Variants in AK9 observed in about 807,000 individuals in gnomAD.
AK9 encodes the protein adenylate kinase domain containing 1.
A neutral mutation model predicts 239.6 loss-of-function variants in AK9; 191 were observed. The observed-to-expected ratio is 0.80, with a 90% CI of 0.71 to 0.90. The LOEUF is 0.90. Among genes scored for constraint, AK9 ranks in the 40% least tolerant of loss-of-function variants. AK9 has a pLI of 0.00. For synonymous variants in AK9, 689 were observed against 721.0 expected, an observed-to-expected ratio of 0.96 and a Z score of 0.71; for missense variants, 1,995 against 2,214.7, an observed-to-expected ratio of 0.90 and a Z score of 1.99.
rs528444655 is a variant in AK9, at chr6:109,569,724, G to A, written c.2344+3718C>T. On this transcript the variant is annotated intron_variant, in intron 21 of 40. Transcript: ENST00000424296. The stretch of plus-strand genomic sequence containing the variant: ...TCAGAGAAATGCAAATCAAAACCAC[G>A]ATGAGATACCATCTCACACCAGTTA... Among the ~76,000 whole-genome samples, 31 of 152,122 alleles carry A rather than the reference G, an allele frequency of 2.0e-4. 1 individual carries two copies. In the Middle Eastern group the frequency reaches 0.014, roughly 67 times the overall value.
intron 29 of AK9, among the ~76,000 whole-genome samples, chr6:109,526,228 C>T (rs371462817): frequency 2.0e-4 from 30 of 151,990 alleles, no homozygotes; most frequent in African/African-American, 7.0e-4. Context: ...CACCAAACCC[C>T]GGCAACATGC....
chr6:109,573,649 T>C, intron 20 of AK9, 55 bp from the exon 21 acceptor site: 8 of 1,487,134 alleles, frequency 5.4e-6, no homozygotes, highest in Non-Finnish European at 6.3e-6. Flanking sequence ...CAAATATTTA[T>C]TGGGTGTTGA....
At chr6:109,556,652 T>C (rs896932521) in intron 24 of AK9, among the ~76,000 whole-genome samples, 10 of 152,152 alleles carry the variant, frequency 6.6e-5, no homozygotes, top group Non-Finnish European at 1.0e-4. Flanking sequence ...TAATCAATTG[T>C]AGGTTTGGTC....
rs1177960650 is a variant in AK9, at chr6:109,659,183, AT to A, written c.630+44del. ...ACCATCATTTACCTTAATTATAGCA[AT>A]TTTAAAAAGTGTAGTGTATGGTAGT... is the stretch of plus-strand genomic sequence containing the variant. On this transcript the variant is annotated intron_variant, in intron 7 of 40. Coordinates refer to ENST00000424296, the MANE Select transcript of AK9 (RefSeq NM_001145128.3). The A allele has an allele frequency of 2.7e-6, 4 of 1,459,254 alleles. No homozygotes were observed. The African/African-American group carries it at 4.4e-5, about 16-fold the overall frequency. The allele number at this position is 1,459,254 out of a possible 1,614,324, so 90.4% of individuals were successfully genotyped here. A position where few individuals can be genotyped will look rare whatever the true frequency, so the allele number is the denominator to read the frequency against.
chr6:109,656,126 ATGTT>A (rs1002762365), intron 8 of AK9, among the ~76,000 whole-genome samples: 4 of 152,290 alleles, frequency 2.6e-5, no homozygotes, highest in African/African-American at 9.6e-5. Flanking sequence ...AGTTCAATAA[ATGTT>A]TGTTGACTAA....
intron 8 of AK9, among the ~76,000 whole-genome samples, chr6:109,654,503 TG>T (rs1799416820): frequency 6.6e-6 from 1 of 151,976 alleles, no homozygotes; most frequent in Admixed American, 6.6e-5. Flanking sequence ...GGCTGTTTTT[TG>T]GATTTTAGTA....
intron 12 of AK9, among the ~76,000 whole-genome samples, chr6:109,620,820 A>G (rs1794721365): frequency 6.6e-6 from 1 of 151,308 alleles, no homozygotes; most frequent in Admixed American, 6.6e-5. Flanking sequence ...TCATACATAT[A>G]CATATACACC....
At chr6:109,494,222 T>A (rs923657997) in intron 39 of AK9, 127 bp from the exon 40 acceptor site, 11 of 571,340 alleles carry the variant, frequency 1.9e-5, no homozygotes, top group East Asian at 8.4e-5. Context: ...GGATGGGGCT[T>A]ATAAATATGG....
chr6:109,580,799 T>C (rs1788748292), intron 19 of AK9, among the ~76,000 whole-genome samples: 1 of 152,226 alleles, frequency 6.6e-6, no homozygotes. Flanking sequence ...CTGAGTGTTG[T>C]TTCTGAACTC....
chr6:109,533,910 G>A (rs549214233), intron 27 of AK9, among the ~76,000 whole-genome samples: 5 of 152,006 alleles, frequency 3.3e-5, no homozygotes, highest in Non-Finnish European at 7.4e-5. Flanking sequence ...GTTTGGGAGC[G>A]GTGCCCAGCC....
intron 28 of AK9, among the ~76,000 whole-genome samples, chr6:109,530,535 A>C (rs1027212152): frequency 1.3e-5 from 2 of 152,182 alleles, no homozygotes; most frequent in African/African-American, 4.8e-5. Context: ...ATAAAACATA[A>C]AGACCACTGT....
Position 109,675,615 on chromosome 6 carries a change from A to G in AK9, c.117+14T>C. The G allele has an allele frequency of 7.2e-7, 1 of 1,386,544 alleles. No individual in the cohort carries two copies. Among genetic ancestry groups the G allele is most frequent in the East Asian group, 2.5e-5 (1 of 39,298 alleles). The allele number at this position is 1,386,544 out of a possible 1,614,324, so 85.9% of individuals were successfully genotyped here. ...AATAAAAAAAATTATACCAAATAAT[A>G]AGAGATAACTTACTGGTTTCCCAAA... On this transcript the variant is annotated intron_variant, in intron 2 of 40. Coordinates refer to ENST00000424296, the MANE Select transcript of AK9 (RefSeq NM_001145128.3).
At position 109,676,119 on chromosome 6, in the gene AK9, T is replaced by C. The variant is rs118113771; in HGVS notation, c.-11-363A>G. Among the ~76,000 whole-genome samples the C allele has an allele frequency of 7.2e-3, 1,096 of 152,184 alleles. 7 individuals carry two copies. Among genetic ancestry groups the C allele is most frequent in the South Asian group, 0.018 (86 of 4,826 alleles). On this transcript the variant is annotated intron_variant, in intron 1 of 40. Coordinates refer to ENST00000424296, the MANE Select transcript of AK9 (RefSeq NM_001145128.3). The stretch of plus-strand genomic sequence containing the variant: ...GTGCATGTATAAATTTTACCAGAAA[T>C]AGAAAAGGTAATGTTGGCTAAATGT...
At chr6:109,508,475 C>T (rs1778341899) in intron 33 of AK9, among the ~76,000 whole-genome samples, 1 of 152,128 alleles carries the variant, frequency 6.6e-6, no homozygotes, top group African/African-American at 2.4e-5. Flanking sequence ...AAGTCTGACA[C>T]CCCAGAAGCT....
intron 27 of AK9, among the ~76,000 whole-genome samples, chr6:109,541,778 T>C (rs180926461): frequency 1.3e-5 from 2 of 152,366 alleles, no homozygotes; most frequent in Admixed American, 6.5e-5. Flanking sequence ...TTACCACAAA[T>C]GCACTTTAGA....
intron 32 of AK9, among the ~76,000 whole-genome samples, chr6:109,512,039 G>C (rs1426013120): frequency 6.6e-6 from 1 of 152,152 alleles, no homozygotes; most frequent in East Asian, 1.9e-4. Flanking sequence ...GGGTAAATAA[G>C]GCTGAGACAT....
chr6:109,562,799 T>C (rs1200389593), intron 24 of AK9, among the ~76,000 whole-genome samples: 1 of 152,112 alleles, frequency 6.6e-6, no homozygotes, highest in Admixed American at 6.6e-5. Context: ...ATATAAGCTT[T>C]GAGTATTACA....
intron 21 of AK9, among the ~76,000 whole-genome samples, chr6:109,571,041 A>G (rs1449213231): frequency 6.6e-6 from 1 of 152,246 alleles, no homozygotes; most frequent in Non-Finnish European, 1.5e-5. Context: ...ACAATGATTT[A>G]ATAGCCTCTA....
chr6:109,584,991 T>C (rs1156635863), intron 19 of AK9, 132 bp downstream of exon 19: 2 of 690,832 alleles, frequency 2.9e-6, no homozygotes, highest in East Asian at 2.5e-4. Flanking sequence ...TTCTTAAAAT[T>C]AACTAGAATC....
Sources: allele counts gnomAD v4.1 joint callset (sites outside exome capture counted in the v4.1 genomes callset), GRCh38; gene constraint gnomAD v4.1.1; transcripts MANE v1.5; gene names NCBI Gene and HGNC (gene_info 2026-07-23, HGNC 2026-07-21).